The following TRIM10 variants were observed in gnomAD, a reference collection of about 807,000 sequenced individuals.
TRIM10 encodes tripartite motif-containing protein 10.
In TRIM10, 42 loss-of-function variants were observed where a neutral mutation model predicts 40.0. The observed-to-expected ratio is 1.05, with a 90% CI of 0.82 to 1.36. The LOEUF (loss-of-function observed/expected upper bound fraction) is 1.36. Among genes scored for constraint, TRIM10 ranks in the 40% most tolerant of loss-of-function variants. TRIM10 has a pLI of 0.00. For synonymous variants in TRIM10, 260 were observed against 239.5 expected, an observed-to-expected ratio of 1.09 and a Z score of -0.79; for missense variants, 601 against 608.3, an observed-to-expected ratio of 0.99 and a Z score of 0.13.
At chr6:30,161,305 T>C (rs1450449631), upstream of TRIM10, among the ~76,000 whole-genome samples, 1 of 152,084 alleles carries the variant, frequency 6.6e-6, no homozygotes, top group Non-Finnish European at 1.5e-5. Flanking sequence ...TCCAAAGAGA[T>C]TGGAGGTATC....
chr6:30,154,796 G>A, intron 6 of TRIM10: 2 of 659,090 alleles, frequency 3.0e-6, no homozygotes, highest in Non-Finnish European at 5.6e-6. Flanking sequence ...ACCGCAAGTT[G>A]GCTGGTTTCC....
chr6:30,158,573 C>T lies in TRIM10; in HGVS notation c.582G>A (p.Lys194=). 1 of 1,613,080 alleles carries T rather than the reference C, an allele frequency of 6.2e-7. No individual in the cohort carries two copies. The highest frequency in any genetic ancestry group is 8.5e-7 in the Non-Finnish European group (1 of 1,180,036). The change falls in exon 3 of 7, where the codon AAG becomes AAA. Residue 194 remains lysine (K), a synonymous_variant. Transcript: ENST00000449742. The part of the protein sequence containing the change: ...QVISEFAHLR[K]FLEEQQSILL... ...GGATGCTCTGCTGTTCCTCTAGAAA[C>T]TTCCTCAGGTGTGCGAACTCAGAAA...
rs545238411 is a variant in TRIM10 at position 30,157,103 on chromosome 6, G to A, written c.780-49C>T. The stretch of plus-strand genomic sequence containing the variant: ...TCTGGGAATTATCATCCTTAATAAT[G>A]TCTCCAGACTCAGCTGGTCATCTTC... On this transcript the variant is annotated intron_variant, in intron 4 of 6. Coordinates refer to ENST00000449742, the MANE Select transcript of TRIM10 (RefSeq NM_006778.4). 1.7e-5 allele frequency: 27 copies of A among 1,553,750 alleles called. No homozygotes were observed. The Admixed American group carries it at 4.0e-4, about 23-fold the overall frequency.
rs181857093 is a variant in TRIM10 at position 30,158,764 on chromosome 6, G to A, written c.526-135C>T. 5 of 754,618 alleles carry A rather than the reference G, an allele frequency of 6.6e-6. No homozygotes were observed. The African/African-American group carries it at 7.0e-5, about 10-fold the overall frequency. The allele number at this position is 754,618 out of a possible 1,614,324, so 46.7% of individuals were successfully genotyped here. Reference sequence around the variant, plus strand: ...TTCACTTGTCATCCCATTTCGAGAAGCAAGACTCACAGTGTTGTCTCAGCA... The same window carrying A: ...TTCACTTGTCATCCCATTTCGAGAAACAAGACTCACAGTGTTGTCTCAGCA... On this transcript the variant is annotated intron_variant, in intron 2 of 6. Coordinates refer to ENST00000449742, the MANE Select transcript of TRIM10 (RefSeq NM_006778.4).
chr6:30,157,414 AT>A, intron 3 of TRIM10, 23 bp from the exon 4 acceptor site: 1 of 1,589,748 alleles, frequency 6.3e-7, no homozygotes, highest in Non-Finnish European at 8.5e-7. Context: ...GATACCAGAA[AT>A]TCAGTTTCCA....
Position 30,154,347 on chromosome 6 carries a change from G to A in TRIM10, c.1068C>T (p.Ala356=), listed in dbSNP as rs1772315622. 1.2e-6 allele frequency: 2 copies of A among 1,613,068 alleles called. No homozygotes were observed. The highest frequency in any genetic ancestry group is 1.7e-5 in the Admixed American group (1 of 60,030). The part of the protein sequence containing the change: ...QRFDRATCVL[A]HTGITGGRHT... ...GTCTCCCCCCTGTGATGCCAGTGTG[G>A]GCCAGAACACAGGTGGCCCGGTCAA... The change falls in exon 7 of 7, where the codon GCC becomes GCT. Residue 356 remains alanine, a synonymous_variant. Transcript: ENST00000449742.
At chr6:30,159,276 TGGAA>T in intron 1 of TRIM10, 31 bp from the exon 2 acceptor site, 1 of 1,482,904 alleles carries the variant, frequency 6.7e-7, no homozygotes. Flanking sequence ...ATACTCAAGA[TGGAA>T]AATGATTTGT....
intron 2 of TRIM10, 22 bp downstream of exon 2, chr6:30,159,128 T>C (rs1350176753): frequency 6.5e-7 from 1 of 1,540,034 alleles, no homozygotes; most frequent in Non-Finnish European, 9.0e-7. Context: ...GGGAGGAACC[T>C]GGGGAAGGGG....
chr6:30,158,584 G>A lies in TRIM10; in HGVS notation c.571C>T (p.His191Tyr). The A allele has an allele frequency of 2.5e-6, 4 of 1,613,070 alleles. No homozygotes were observed. The highest frequency in any genetic ancestry group is 3.4e-6 in the Non-Finnish European group (4 of 1,180,034). The stretch of plus-strand genomic sequence containing the variant: ...TGTTCCTCTAGAAACTTCCTCAGGT[G>A]TGCGAACTCAGAAATCACCTGTTGT... ...KRQQVISEFA[H>Y]LRKFLEEQQS... is the part of the protein sequence containing the mutation. The change falls in exon 3 of 7, where the codon CAC becomes TAC. Residue 191 changes from histidine to tyrosine, a missense_variant. Coordinates refer to ENST00000449742, the MANE Select transcript of TRIM10 (RefSeq NM_006778.4).
upstream of TRIM10, chr6:30,163,738 C>A (rs2523733): frequency 0.14 from 221,574 of 1,612,800 alleles, 17,114 homozygotes; most frequent in African/African-American, 0.25. Context: ...CCTGTACCCT[C>A]TGTGCGGGGC....
rs1773022374 is a variant in TRIM10 at position 30,160,793 on chromosome 6, G to A, written c.66C>T (p.Thr22=). 3 of 1,614,034 alleles carry A rather than the reference G, an allele frequency of 1.9e-6. No homozygotes were observed. Among genetic ancestry groups the A allele is most frequent in the Non-Finnish European group, 2.5e-6 (3 of 1,180,034 alleles). The change falls in exon 1 of 7, where the codon ACC becomes ACT. Residue 22 remains threonine (T), a synonymous_variant. Coordinates refer to ENST00000449742, the MANE Select transcript of TRIM10 (RefSeq NM_006778.4). ...DEVNCPICQG[T]LREPVTIDCG... ...AGTCGATAGTGACCGGCTCCCTCAG[G>A]GTACCCTGACAGATGGGGCAGTTGA...
At chr6:30,154,509 C>T (rs753467709) in intron 6 of TRIM10, 23 bp from the exon 7 acceptor site, 8 of 1,602,336 alleles carry the variant, frequency 5.0e-6, no homozygotes, top group Non-Finnish European at 6.8e-6. Context: ...CCAAAAGGGA[C>T]AGATGTCAGC....
chr6:30,163,954 C>A, upstream of TRIM10: 1 of 1,613,144 alleles, frequency 6.2e-7, no homozygotes, highest in East Asian at 2.2e-5. Context: ...GCGAGAAGAT[C>A]TACTTCTTCT....
At position 30,158,556 on chromosome 6, in the gene TRIM10, T is replaced by C; in HGVS notation, c.599A>G (p.Gln200Arg). The change falls in exon 3 of 7, where the codon CAG becomes CGG. Residue 200 changes from glutamine to arginine, a missense_variant. Physicochemically the swap from Gln to Arg is conservative, Grantham distance 43. Transcript: ENST00000449742. The part of the protein sequence containing the change: ...AHLRKFLEEQ[Q>R]SILLAQLESQ... ...CTCCAATTGTGCTAAGAGGATGCTC[T>C]GCTGTTCCTCTAGAAACTTCCTCAG... is the stretch of plus-strand genomic sequence containing the variant. 6.2e-7 allele frequency: 1 copy of C among 1,613,084 alleles called. No homozygotes were observed. Among genetic ancestry groups the C allele is most frequent in the Non-Finnish European group, 8.5e-7 (1 of 1,180,022 alleles).
In TRIM10 at chr6:30,160,476, G is replaced by A. The variant is rs757694713; in HGVS notation, c.383C>T (p.Ala128Val). 1.9e-6 allele frequency: 3 copies of A among 1,614,004 alleles called. No homozygotes were observed. The highest frequency in any genetic ancestry group is 1.3e-5 in the African/African-American group (1 of 74,916). ...CTCCAGGAAGCGCATGGTGTGGGTAGCGTGCTCCCCAGCCTCCCGGCACAC... is the reference window on the plus strand; with the variant it reads ...CTCCAGGAAGCGCATGGTGTGGGTAACGTGCTCCCCAGCCTCCCGGCACAC... ...CVVCREAGEH[A>V]THTMRFLEDA... The change falls in exon 1 of 7, where the codon GCT (alanine) becomes GTT (valine). Residue 128 changes from alanine to valine, a missense_variant. Physicochemically the swap from Ala to Val is moderately conservative, Grantham distance 64 (BLOSUM62 0). Coordinates refer to ENST00000449742, the MANE Select transcript of TRIM10 (RefSeq NM_006778.4).
In TRIM10 at chr6:30,157,020, C is replaced by A. The variant is rs778143200; in HGVS notation, c.814G>T (p.Val272Leu). The change falls in exon 5 of 7, where the codon GTG becomes TTG. Residue 272 changes from valine to leucine, a missense_variant. By Grantham distance (32) the Val-to-Leu change is conservative. Coordinates refer to ENST00000449742, the MANE Select transcript of TRIM10 (RefSeq NM_006778.4). ...ATCCTCTGGCCCAGCTCTGGCGACA[C>A]AGCCACCGGTTTCCGGCACTTTCTG... is the stretch of plus-strand genomic sequence containing the variant. ...ETRKCRKPVA[V>L]SPELGQRIRD... The A allele has an allele frequency of 1.6e-5, 26 of 1,613,090 alleles. No individual in the cohort carries two copies. Among genetic ancestry groups the A allele is most frequent in the Non-Finnish European group, 2.2e-5 (26 of 1,180,014 alleles).
chr6:30,153,781 G>C lies in TRIM10; in HGVS notation c.*188C>G, dbSNP rs751191960. The C allele has an allele frequency of 1.9e-5, 30 of 1,612,916 alleles. No homozygotes were observed. The highest frequency in any genetic ancestry group is 2.4e-5 in the Non-Finnish European group (28 of 1,180,032). ...GTACCCTGGCCATCCACTGGGCATT[G>C]GGGAAAGGACTTGATCAGTAGATTG... On this transcript the variant is annotated 3_prime_UTR_variant, in exon 7 of 7. Transcript: ENST00000449742.
intron 2 of TRIM10, 136 bp from the exon 3 acceptor site, chr6:30,158,765 C>G: frequency 1.3e-6 from 1 of 748,448 alleles, no homozygotes; most frequent in Non-Finnish European, 2.3e-6. Flanking sequence ...TTTCGAGAAG[C>G]AAGACTCACA....
intron 6 of TRIM10, chr6:30,154,777 C>CT (rs1772371251): frequency 3.0e-6 from 2 of 672,490 alleles, no homozygotes; most frequent in East Asian, 5.8e-5. Context: ...CGGGAAAGCT[C>CT]TTCTGCTCAC....
Sources: gnomAD v4.1 joint callset for allele counts (sites outside exome capture counted in the v4.1 genomes callset) on GRCh38, gnomAD v4.1.1 for gene constraint, MANE v1.5 for transcripts, NCBI Gene and HGNC (gene_info 2026-07-23, HGNC 2026-07-21) for gene names.